IQSEC1: variants seen among roughly 807,000 people sequenced by gnomAD.
IQSEC1 encodes IQ motif and Sec7 domain ArfGEF 1, also known as IQ motif and SEC7 domain-containing protein 1.
In IQSEC1, 31 loss-of-function variants were observed where a neutral mutation model predicts 91.0. The ratio of observed to expected loss-of-function variants is 0.34; its 90% CI spans 0.26 to 0.46. The LOEUF (loss-of-function observed/expected upper bound fraction) is 0.46. IQSEC1 is among the 20% of genes least tolerant of loss of function. IQSEC1 has a pLI of 1.00. For missense variants in IQSEC1, 1,388 were observed against 1,575.6 expected (o/e 0.88, Z 2.02); for synonymous variants, 699 against 662.6 (o/e 1.05, Z -0.84).
chr3:12,924,502 G>T lies in IQSEC1; in HGVS notation c.1730+79C>A. The T allele has an allele frequency of 1.4e-6, 2 of 1,438,190 alleles. No individual in the cohort carries two copies. Among genetic ancestry groups the T allele is most frequent in the Admixed American group, 2.2e-5 (1 of 45,646 alleles). 89.1% of individuals were successfully genotyped at this position (1,438,190 alleles called of 1,614,324 possible). A position where few individuals can be genotyped will look rare whatever the true frequency, so the allele number is the denominator to read the frequency against. On this transcript the variant is annotated intron_variant, in intron 4 of 13. Coordinates refer to ENST00000613206, the MANE Select transcript of IQSEC1 (RefSeq NM_001134382.3). This position sits in a 1 kb window ranked among gnomAD's most constrained non-coding sequence, Gnocchi z 6.3. Reference sequence around the variant, plus strand: ...CAGCAAGTAGGGTGGGCCTGGCCCTGTGTGTGCCCACGGGTAACACAGGGT... The same window carrying T: ...CAGCAAGTAGGGTGGGCCTGGCCCTTTGTGTGCCCACGGGTAACACAGGGT...
Position 13,207,392 on chromosome 3 carries a change from G to A in IQSEC1, c.273-43259C>T, listed in dbSNP as rs894835890. Reference sequence around the variant, plus strand: ...CGGCCACCTCCCTGACCCAAGCCCCGTCTTCTCTGCCAGGTCCCTGGGACG... The same window carrying A: ...CGGCCACCTCCCTGACCCAAGCCCCATCTTCTCTGCCAGGTCCCTGGGACG... On this transcript the variant is annotated intron_variant, in intron 1 of 15. Coordinates refer to the IQSEC1 transcript ENST00000648114. The surrounding 1 kb of genome is among the most constrained non-coding windows in gnomAD (Gnocchi z 4.8). Among the ~76,000 whole-genome samples the A allele has an allele frequency of 5.9e-5, 9 of 151,868 alleles. No individual in the cohort carries two copies. The highest frequency in any genetic ancestry group is 1.2e-4 in the African/African-American group (5 of 41,408).
chr3:13,042,775 C>T (rs920850542), intron 1 of IQSEC1, among the ~76,000 whole-genome samples: 2 of 152,186 alleles, frequency 1.3e-5, no homozygotes, highest in Non-Finnish European at 2.9e-5. Context: ...CAACCAGGCC[C>T]TGGGGCTCCG....
chr3:13,266,644 G>A (rs760543198), intron 1 of IQSEC1, among the ~76,000 whole-genome samples: 1 of 151,558 alleles, frequency 6.6e-6, no homozygotes, highest in African/African-American at 2.4e-5. Context: ...ACGGAAAACC[G>A]CTGAAGCCGT....
chr3:13,067,071 G>A (rs1705260828), intron 1 of IQSEC1, among the ~76,000 whole-genome samples: 1 of 152,224 alleles, frequency 6.6e-6, no homozygotes, highest in Non-Finnish European at 1.5e-5. Context: ...CCTGCCCAGG[G>A]TCACATAGTG....
At chr3:12,978,574 G>A (rs1259524176) in intron 1 of IQSEC1, among the ~76,000 whole-genome samples, 1 of 151,962 alleles carries the variant, frequency 6.6e-6, no homozygotes, top group South Asian at 2.1e-4. Flanking sequence ...GGCGTGGGGC[G>A]GGTGCCTGTA....
chr3:12,902,897 G>T, intron 12 of IQSEC1, 75 bp from the exon 13 acceptor site: 3 of 1,113,208 alleles, frequency 2.7e-6, no homozygotes, highest in Non-Finnish European at 4.1e-6. Flanking sequence ...GTGCCACGCT[G>T]CTGCCACGGA....
chr3:13,137,948 C>A lies in IQSEC1; in HGVS notation c.302+26156G>T, dbSNP rs115879914. Reference sequence around the variant, plus strand: ...CACGGTATCTGACCACTAGACAGACCCAGTATGTGTGAATTCTGTCACTCG... The same window carrying A: ...CACGGTATCTGACCACTAGACAGACACAGTATGTGTGAATTCTGTCACTCG... On this transcript the variant is annotated intron_variant, in intron 2 of 15. Transcript: ENST00000648114. 2.6e-3 allele frequency among the ~76,000 whole-genome samples: 396 copies of A among 152,198 alleles called. 5 individuals carry two copies. Among genetic ancestry groups the A allele is most frequent in the African/African-American group, 9.0e-3 (372 of 41,520 alleles).
At chr3:13,074,795 T>C (rs1705536137), upstream of IQSEC1, among the ~76,000 whole-genome samples, 1 of 150,360 alleles carries the variant, frequency 6.7e-6, no homozygotes, top group Admixed American at 6.6e-5. Flanking sequence ...TCTCTCCAGA[T>C]TCACACTCAC....
chr3:12,999,041 T>C (rs556405320), intron 1 of IQSEC1, among the ~76,000 whole-genome samples: 8 of 152,222 alleles, frequency 5.3e-5, no homozygotes, highest in Non-Finnish European at 1.0e-4. Flanking sequence ...TATTACTACA[T>C]GCATGTATTA....
intron 2 of IQSEC1, among the ~76,000 whole-genome samples, chr3:13,098,958 G>C (rs1219710741): frequency 6.6e-6 from 1 of 152,214 alleles, no homozygotes; most frequent in Non-Finnish European, 1.5e-5. Context: ...GTAAATTCCA[G>C]TAAAGCTGTT....
At chr3:13,011,921 G>A (rs1390993865) in intron 1 of IQSEC1, among the ~76,000 whole-genome samples, 1 of 150,466 alleles carries the variant, frequency 6.6e-6, no homozygotes, top group Non-Finnish European at 1.5e-5. Flanking sequence ...CAATGAGTGA[G>A]TCTCAAATTC....
intron 1 of IQSEC1, among the ~76,000 whole-genome samples, chr3:13,251,622 T>C (rs1430300876): frequency 6.6e-6 from 1 of 152,168 alleles, no homozygotes; most frequent in Non-Finnish European, 1.5e-5. Flanking sequence ...ATATGCCAGC[T>C]CAGAGCTGGA....
intron 1 of IQSEC1, among the ~76,000 whole-genome samples, chr3:13,240,050 C>A (rs1694995296): frequency 6.6e-6 from 1 of 151,612 alleles, no homozygotes; most frequent in Non-Finnish European, 1.5e-5. Context: ...TATTTTGTAA[C>A]AATTCAACAT....
At chr3:12,957,196 G>T (rs983049126) in intron 1 of IQSEC1, among the ~76,000 whole-genome samples, 1 of 152,160 alleles carries the variant, frequency 6.6e-6, no homozygotes, top group African/African-American at 2.4e-5. Flanking sequence ...AGCTTACCTG[G>T]TCTCAAGATA....
intron 1 of IQSEC1, among the ~76,000 whole-genome samples, chr3:13,067,449 C>A (rs1411202996): frequency 2.0e-5 from 3 of 152,232 alleles, no homozygotes; most frequent in African/African-American, 7.2e-5. Context: ...CAAGTACCCT[C>A]AGCACCCAGG....
intron 2 of IQSEC1, among the ~76,000 whole-genome samples, chr3:13,090,160 G>A (rs556691509): frequency 1.5e-4 from 23 of 151,978 alleles, no homozygotes; most frequent in Middle Eastern, 3.4e-3. Flanking sequence ...GGAGCTTGCA[G>A]TGAGCCAAGA....
intron 2 of IQSEC1, among the ~76,000 whole-genome samples, chr3:13,164,086 G>A (rs1262658651): frequency 6.6e-6 from 1 of 152,172 alleles, no homozygotes; most frequent in Non-Finnish European, 1.5e-5. Flanking sequence ...CACGGACAGA[G>A]GTGGATGAAG....
chr3:13,264,362 G>A (rs1266814243), intron 1 of IQSEC1, among the ~76,000 whole-genome samples: 1 of 152,194 alleles, frequency 6.6e-6, no homozygotes. Context: ...GGGCTCTAAG[G>A]ACAGCAGGGG....
intron 1 of IQSEC1, among the ~76,000 whole-genome samples, chr3:13,240,224 T>A (rs1442129876): frequency 6.6e-6 from 1 of 151,718 alleles, no homozygotes; most frequent in Admixed American, 6.6e-5. Flanking sequence ...ACAAAAAATT[T>A]AAAAAATTAA....
Sources: allele counts gnomAD v4.1 joint callset (sites outside exome capture counted in the v4.1 genomes callset), GRCh38; gene constraint gnomAD v4.1.1; non-coding constraint Gnocchi (gnomAD v3.1); transcripts MANE v1.5; gene names NCBI Gene and HGNC (gene_info 2026-07-23, HGNC 2026-07-21).